PIK3R1: variants seen among roughly 807,000 people sequenced by gnomAD.
The protein encoded by PIK3R1 is phosphoinositide-3-kinase regulatory subunit 1.
A neutral mutation model predicts 98.0 loss-of-function variants in PIK3R1; 29 were observed. The observed-to-expected ratio is 0.30, with a 90% CI of 0.22 to 0.40. PIK3R1 has a LOEUF of 0.40. Among genes scored for constraint, PIK3R1 ranks in the 10% least tolerant of loss-of-function variants. The pLI is 1.00. For synonymous variants in PIK3R1, 282 were observed against 311.8 expected (o/e 0.90, Z 1.01); for missense variants, 596 against 872.7 (o/e 0.68, Z 3.99).
In PIK3R1 at chr5:68,297,637, C is replaced by A. The variant is rs569155590; in HGVS notation, c.*36C>A. The A allele has an allele frequency of 7.0e-6, 11 of 1,580,936 alleles. No homozygotes were observed. The highest frequency in any genetic ancestry group is 9.5e-6 in the Non-Finnish European group (11 of 1,153,634). The stretch of plus-strand genomic sequence containing the variant: ...CTTTGATCCTTCTCCTGAAGTTCAG[C>A]CACCCTGAGGCCTCTGGAAAGCAAA... On this transcript the variant is annotated 3_prime_UTR_variant, in exon 16 of 16. Coordinates refer to ENST00000521381, the MANE Select transcript of PIK3R1 (RefSeq NM_181523.3).
chr5:68,225,049 G>A (rs888849395), intron 1 of PIK3R1, among the ~76,000 whole-genome samples: 1 of 152,190 alleles, frequency 6.6e-6, no homozygotes, highest in African/African-American at 2.4e-5. Context: ...TCCATCATGG[G>A]CGAAGCCCCA....
chr5:68,244,423 CTTT>C (rs1744990492), intron 2 of PIK3R1, among the ~76,000 whole-genome samples: 1 of 133,380 alleles, frequency 7.5e-6, no homozygotes, highest in African/African-American at 2.8e-5. Context: ...CTTGTGAAAA[CTTT>C]TTTCTAACTG....
intron 2 of PIK3R1, among the ~76,000 whole-genome samples, chr5:68,267,918 G>C (rs974088697): frequency 4.6e-5 from 7 of 152,204 alleles, no homozygotes; most frequent in African/African-American, 1.7e-4. Flanking sequence ...CCTTAGAAAA[G>C]TATTGAGAAC....
chr5:68,295,531 A>C, intron 14 of PIK3R1, 43 bp downstream of exon 14: 269 of 1,537,372 alleles, frequency 1.7e-4, no homozygotes, highest in Non-Finnish European at 2.2e-4. Flanking sequence ...GATTTTTCTC[A>C]TTTTAGGAAA....
At chr5:68,263,803 T>A (rs1746006553) in intron 2 of PIK3R1, among the ~76,000 whole-genome samples, 1 of 152,226 alleles carries the variant, frequency 6.6e-6, no homozygotes, top group South Asian at 2.1e-4. Flanking sequence ...TTTTCAGGCC[T>A]CTTGCCTTTC....
intron 7 of PIK3R1, chr5:68,288,736 A>T: frequency 6.2e-7 from 1 of 1,613,942 alleles, no homozygotes; most frequent in African/African-American, 1.3e-5. Flanking sequence ...AACCGTTGAA[A>T]TGCATAACCT....
intron 2 of PIK3R1, among the ~76,000 whole-genome samples, chr5:68,266,705 C>T (rs951157328): frequency 6.6e-6 from 1 of 152,096 alleles, no homozygotes. Flanking sequence ...TATACTCTGG[C>T]GCAGGGAAGA....
chr5:68,296,085 G>A, intron 14 of PIK3R1, 86 bp from the exon 15 acceptor site: 1 of 1,333,176 alleles, frequency 7.5e-7, no homozygotes, highest in South Asian at 1.3e-5. Flanking sequence ...GGAGGGAAGT[G>A]ACGGGGGTAT....
intron 2 of PIK3R1, among the ~76,000 whole-genome samples, chr5:68,267,658 A>C (rs1203446124): frequency 6.6e-6 from 1 of 152,158 alleles, no homozygotes; most frequent in Non-Finnish European, 1.5e-5. Context: ...CTCCAAAAAA[A>C]AAAGCTCTTG....
At chr5:68,218,847 A>C (rs1335002681) in intron 1 of PIK3R1, among the ~76,000 whole-genome samples, 1 of 152,232 alleles carries the variant, frequency 6.6e-6, no homozygotes, top group Non-Finnish European at 1.5e-5. Context: ...TTATCAAGTT[A>C]GTTTTTACTT....
intron 3 of PIK3R1, 38 bp downstream of exon 3, chr5:68,273,520 T>A (rs1746447125): frequency 6.7e-7 from 1 of 1,482,506 alleles, no homozygotes; most frequent in Non-Finnish European, 9.4e-7. Context: ...TCCTTTGTTC[T>A]ACCCTTATTT....
rs1341158783 is a variant in PIK3R1 at position 68,262,635 on chromosome 5, ACATGTATACACATGTATCTG to A, written c.335-10738_335-10719del. On this transcript the variant is annotated intron_variant, in intron 2 of 15. Coordinates refer to ENST00000521381, the MANE Select transcript of PIK3R1 (RefSeq NM_181523.3). ...TATACACATGTAGATGCATGTATAC[ACATGTATACACATGTATCTG>A]CATGTATACACATGTAGATACATGT... Among the ~76,000 whole-genome samples, 58 of 140,394 alleles carry A rather than the reference ACATGTATACACATGTATCTG, an allele frequency of 4.1e-4. 2 individuals are homozygous for A. Among genetic ancestry groups the A allele is most frequent in the African/African-American group, 1.1e-3 (39 of 35,590 alleles). 92.1% of individuals were successfully genotyped at this position (140,394 alleles called of 152,430 possible).
chr5:68,292,444 A>T (rs1181723101), intron 8 of PIK3R1, 83 bp downstream of exon 8: 1 of 1,449,732 alleles, frequency 6.9e-7, no homozygotes, highest in Non-Finnish European at 9.6e-7. Context: ...CATTTTTAGG[A>T]TATCATCCAA....
At chr5:68,262,686 C>A (rs1202807309) in intron 2 of PIK3R1, among the ~76,000 whole-genome samples, 1 of 32,868 alleles carries the variant, frequency 3.0e-5, no homozygotes, top group Admixed American at 2.4e-4. Flanking sequence ...CATGTATCTG[C>A]ATGTATACAC....
chr5:68,300,464 C>T lies in PIK3R1; in HGVS notation c.*2863C>T, dbSNP rs1478166355. ...AGTTTTTCCCACCCAGTGTAGCATC[C>T]TAAAGATAAAGCCAGAAGCTAAGCT... On this transcript the variant is annotated 3_prime_UTR_variant, in exon 16 of 16. Transcript: ENST00000521381. 4.3e-6 allele frequency: 1 copy of T among 233,000 alleles called. No homozygotes were observed. The highest frequency in any genetic ancestry group is 2.2e-5 in the African/African-American group (1 of 45,312). 14.4% of individuals were successfully genotyped at this position (233,000 alleles called of 1,614,324 possible). A position where few individuals can be genotyped will look rare whatever the true frequency, so the allele number is the denominator to read the frequency against.
At chr5:68,234,342 C>T (rs1170535597) in intron 2 of PIK3R1, among the ~76,000 whole-genome samples, 2 of 152,092 alleles carry the variant, frequency 1.3e-5, no homozygotes, top group Admixed American at 6.5e-5. Flanking sequence ...ACCCAGAAGC[C>T]CTGTATATGA....
intron 2 of PIK3R1, among the ~76,000 whole-genome samples, chr5:68,261,523 A>G (rs915034345): frequency 6.6e-6 from 1 of 152,216 alleles, no homozygotes; most frequent in African/African-American, 2.4e-5. Context: ...AGTCACAGAA[A>G]GAAAGCAATT....
chr5:68,270,470 C>T (rs1314755855), intron 2 of PIK3R1, among the ~76,000 whole-genome samples: 2 of 151,890 alleles, frequency 1.3e-5, no homozygotes, highest in South Asian at 4.1e-4. Flanking sequence ...GTTGATAAGA[C>T]TCTGGAATGA....
chr5:68,263,603 A>G (rs1430650626), intron 2 of PIK3R1, among the ~76,000 whole-genome samples: 2 of 152,148 alleles, frequency 1.3e-5, no homozygotes, highest in African/African-American at 4.8e-5. Context: ...ATATTGCTTC[A>G]TTTTGTTAAA....
Sources: gnomAD v4.1 joint callset for allele counts (sites outside exome capture counted in the v4.1 genomes callset) on GRCh38, gnomAD v4.1.1 for gene constraint, MANE v1.5 for transcripts, NCBI Gene and HGNC (gene_info 2026-07-23, HGNC 2026-07-21) for gene names.